NCKAP5: variants seen among roughly 807,000 people sequenced by gnomAD.
NCKAP5 encodes the protein NCK associated protein 5.
Under a neutral mutation model 167.0 loss-of-function variants are expected in NCKAP5, and 92 were observed. The ratio of observed to expected loss-of-function variants is 0.55; its 90% CI spans 0.47 to 0.66. The LOEUF (loss-of-function observed/expected upper bound fraction) is 0.66. Among genes scored for constraint, NCKAP5 ranks in the 30% least tolerant of loss-of-function variants. The probability of loss-of-function intolerance (pLI) is 0.00; values close to 1 mark genes in which losing one functional copy is unlikely to be tolerated. For synonymous variants in NCKAP5, 891 were observed against 877.4 expected, an observed-to-expected ratio of 1.02 and a Z score of -0.27; for missense variants, 2,378 against 2,315.0, an observed-to-expected ratio of 1.03 and a Z score of -0.56.
intron 6 of NCKAP5, among the ~76,000 whole-genome samples, chr2:133,004,678 T>C (rs189924731): frequency 6.6e-6 from 1 of 152,304 alleles, no homozygotes; most frequent in African/African-American, 2.4e-5. Context: ...TGGGCACGTA[T>C]TGTCATTGAT....
At chr2:132,941,457 T>C (rs1037531519) in intron 8 of NCKAP5, among the ~76,000 whole-genome samples, 2 of 143,240 alleles carry the variant, frequency 1.4e-5, no homozygotes, top group Non-Finnish European at 3.1e-5. Context: ...CCAATGAGAG[T>C]GAGCCCTGGG....
chr2:133,134,893 T>C (rs1306916411), intron 5 of NCKAP5, among the ~76,000 whole-genome samples: 1 of 152,234 alleles, frequency 6.6e-6, no homozygotes, highest in African/African-American at 2.4e-5. Flanking sequence ...TAGATTCTGA[T>C]AATTCTCTAA....
chr2:133,540,978 C>A (rs924930159), intron 2 of NCKAP5, among the ~76,000 whole-genome samples: 6 of 148,048 alleles, frequency 4.1e-5, no homozygotes, highest in African/African-American at 1.5e-4. Flanking sequence ...CAGTGGGTTT[C>A]AATGGGTAAG....
intron 8 of NCKAP5, among the ~76,000 whole-genome samples, chr2:132,952,659 T>C (rs780452879): frequency 2.6e-5 from 4 of 152,102 alleles, no homozygotes; most frequent in Admixed American, 6.6e-5. Context: ...AAACCTAAAT[T>C]GCAGACAAGT....
At chr2:132,804,871 C>T (rs1312329346) in intron 11 of NCKAP5, among the ~76,000 whole-genome samples, 2 of 151,926 alleles carry the variant, frequency 1.3e-5, no homozygotes, top group African/African-American at 4.8e-5. Context: ...CTGTCCCAGA[C>T]CTGCTTCCTT....
chr2:132,673,229 T>G lies in NCKAP5; in HGVS notation c.*60A>C. 1 of 1,478,638 alleles carries G rather than the reference T, an allele frequency of 6.8e-7. No individual in the cohort carries two copies. Among genetic ancestry groups the G allele is most frequent in the Non-Finnish European group, 8.9e-7 (1 of 1,117,978 alleles). 91.6% of individuals were successfully genotyped at this position (1,478,638 alleles called of 1,614,324 possible). A position where few individuals can be genotyped will look rare whatever the true frequency, so the allele number is the denominator to read the frequency against. ...TAAAATCACAGTATTGCTGTTAAAT[T>G]TATTGAATGACTCTAGGGAAATTTT... On this transcript the variant is annotated 3_prime_UTR_variant, in exon 20 of 20. Coordinates refer to ENST00000409261, the MANE Select transcript of NCKAP5 (RefSeq NM_207363.3).
intron 9 of NCKAP5, among the ~76,000 whole-genome samples, chr2:132,874,672 A>T (rs950538093): frequency 1.3e-5 from 2 of 152,094 alleles, no homozygotes; most frequent in African/African-American, 4.8e-5. Flanking sequence ...GTCGTCACTG[A>T]CTGTAAGGGC....
intron 10 of NCKAP5, among the ~76,000 whole-genome samples, chr2:132,863,698 T>C (rs1166667107): frequency 6.6e-6 from 1 of 152,150 alleles, no homozygotes; most frequent in Non-Finnish European, 1.5e-5. Flanking sequence ...TGATGGCCAT[T>C]GACAAACAGA....
At chr2:132,722,945 A>C (rs1245948756) in intron 19 of NCKAP5, among the ~76,000 whole-genome samples, 1 of 152,018 alleles carries the variant, frequency 6.6e-6, no homozygotes, top group Non-Finnish European at 1.5e-5. Context: ...TCTCCCGAGT[A>C]GCTGGAACCA....
chr2:132,798,740 G>T (rs1457943989), intron 11 of NCKAP5, among the ~76,000 whole-genome samples: 1 of 152,182 alleles, frequency 6.6e-6, no homozygotes, highest in Admixed American at 6.5e-5. Flanking sequence ...AGGTCCTGGG[G>T]CAAGGGCCAG....
At chr2:133,624,760 C>T in the NCKAP5 span, among the ~76,000 whole-genome samples, 2 of 152,190 alleles carry the variant, frequency 1.3e-5, no homozygotes, top group Non-Finnish European at 2.9e-5. Flanking sequence ...TTTACAGACT[C>T]AAGATTCAGA....
At chr2:133,592,920 G>A in the NCKAP5 span, among the ~76,000 whole-genome samples, 1 of 152,138 alleles carries the variant, frequency 6.6e-6, no homozygotes, top group South Asian at 2.1e-4. Context: ...GTTAATCCTT[G>A]TTCTCATCCT....
chr2:133,332,086 T>A (rs1432877719), intron 3 of NCKAP5, among the ~76,000 whole-genome samples: 1 of 152,200 alleles, frequency 6.6e-6, no homozygotes, highest in Admixed American at 6.5e-5. Context: ...TGAGAAAAAG[T>A]GTGCCCTCAG....
intron 3 of NCKAP5, among the ~76,000 whole-genome samples, chr2:133,390,662 GT>G (rs1270120859): frequency 6.6e-6 from 1 of 152,104 alleles, no homozygotes; most frequent in African/African-American, 2.4e-5. Flanking sequence ...TAGAGTAGTG[GT>G]TCTTAACCCT....
chr2:132,739,889 CT>C (rs35217293), intron 16 of NCKAP5, among the ~76,000 whole-genome samples: 2 of 152,206 alleles, frequency 1.3e-5, no homozygotes, highest in South Asian at 4.2e-4. Flanking sequence ...CCTTAAAAAG[CT>C]TTTTAAAAAG....
chr2:133,210,075 G>A (rs2086137337), intron 5 of NCKAP5, among the ~76,000 whole-genome samples: 1 of 151,668 alleles, frequency 6.6e-6, no homozygotes, highest in Non-Finnish European at 1.5e-5. Flanking sequence ...TGAGGCAAGA[G>A]CATCGCTTCA....
chr2:132,955,995 T>C (rs184376381), intron 8 of NCKAP5, among the ~76,000 whole-genome samples: 5 of 152,210 alleles, frequency 3.3e-5, no homozygotes, highest in African/African-American at 7.2e-5. Flanking sequence ...ACAGAGGCTA[T>C]GGGGGTGTGA....
intron 5 of NCKAP5, among the ~76,000 whole-genome samples, chr2:133,180,096 C>T (rs2084664019): frequency 6.6e-6 from 1 of 151,984 alleles, no homozygotes; most frequent in African/African-American, 2.4e-5. Flanking sequence ...GGAGGAATGA[C>T]ACCATACCTA....
intron 11 of NCKAP5, among the ~76,000 whole-genome samples, chr2:132,856,081 G>A (rs909698914): frequency 1.3e-5 from 2 of 152,102 alleles, no homozygotes; most frequent in Admixed American, 6.5e-5. Context: ...GGAGAATGGC[G>A]TGAACCCGGG....
Sources: allele counts gnomAD v4.1 joint callset (sites outside exome capture counted in the v4.1 genomes callset), GRCh38; gene constraint gnomAD v4.1.1; transcripts MANE v1.5; gene names NCBI Gene and HGNC (gene_info 2026-07-23, HGNC 2026-07-21).